Variants in NKAIN2 observed in about 807,000 individuals in gnomAD.
The protein encoded by NKAIN2 is sodium/potassium transporting ATPase interacting 2, also known as sodium/potassium-transporting ATPase subunit beta-1-interacting protein 2.
In NKAIN2, 14 loss-of-function variants were observed where a neutral mutation model predicts 32.6. The observed-to-expected ratio is 0.43, with a 90% confidence interval of 0.28 to 0.67. The LOEUF is 0.67. NKAIN2 is among the 30% of genes least tolerant of loss of function. The pLI, the probability that NKAIN2 is intolerant of heterozygous loss-of-function variation, is 0.17. For missense variants in NKAIN2, 198 were observed against 258.3 expected, an observed-to-expected ratio of 0.77 and a Z score of 1.60; for synonymous variants, 80 against 87.2, an observed-to-expected ratio of 0.92 and a Z score of 0.46.
chr6:123,819,930 G>T (rs1486234387), intron 1 of NKAIN2, among the ~76,000 whole-genome samples: 1 of 152,174 alleles, frequency 6.6e-6, no homozygotes, highest in Non-Finnish European at 1.5e-5. Flanking sequence ...GGAACGAAAA[G>T]AGCAGTTTGA....
chr6:124,589,286 G>A (rs917931421), intron 3 of NKAIN2, among the ~76,000 whole-genome samples: 4 of 152,064 alleles, frequency 2.6e-5, no homozygotes, highest in African/African-American at 9.7e-5. Context: ...TATTGTATGA[G>A]AATTCAATAA....
At chr6:124,041,204 A>C (rs1781857469) in intron 1 of NKAIN2, among the ~76,000 whole-genome samples, 1 of 151,964 alleles carries the variant, frequency 6.6e-6, no homozygotes, top group African/African-American at 2.4e-5. Context: ...TTGGTTCATA[A>C]GGGGAAGCAT....
intron 3 of NKAIN2, among the ~76,000 whole-genome samples, chr6:124,511,221 A>T (rs1012957295): frequency 1.3e-5 from 2 of 152,172 alleles, no homozygotes; most frequent in Non-Finnish European, 2.9e-5. Context: ...ACATATCTTG[A>T]GCATTTTAGT....
chr6:124,806,363 C>G (rs1208757250), intron 5 of NKAIN2, among the ~76,000 whole-genome samples: 2 of 152,154 alleles, frequency 1.3e-5, no homozygotes, highest in African/African-American at 4.8e-5. Context: ...GATTTTTCAA[C>G]CCAGAATTTC....
intron 1 of NKAIN2, among the ~76,000 whole-genome samples, chr6:123,874,885 C>CTACATACA (rs35937099): frequency 0.19 from 28,209 of 150,844 alleles, 3,453 homozygotes; most frequent in East Asian, 0.47. Context: ...CTCGCTATTC[C>CTACATACA]TACATACATA....
At chr6:124,528,814 C>T (rs1779413695) in intron 3 of NKAIN2, among the ~76,000 whole-genome samples, 1 of 152,020 alleles carries the variant, frequency 6.6e-6, no homozygotes, top group African/African-American at 2.4e-5. Context: ...CAATGAAAAT[C>T]AACAAAGCCA....
intron 1 of NKAIN2, among the ~76,000 whole-genome samples, chr6:123,931,228 C>G (rs1776238240): frequency 6.6e-6 from 1 of 151,686 alleles, no homozygotes; most frequent in Non-Finnish European, 1.5e-5. Flanking sequence ...TTACATAGCT[C>G]TATAGTTTCC....
At chr6:124,271,415 A>T (rs1293635952) in intron 1 of NKAIN2, among the ~76,000 whole-genome samples, 1 of 152,040 alleles carries the variant, frequency 6.6e-6, no homozygotes, top group African/African-American at 2.4e-5. Flanking sequence ...ATGGTGTTTC[A>T]CCATGTTAGC....
intron 1 of NKAIN2, among the ~76,000 whole-genome samples, chr6:124,170,778 A>G (rs1012771797): frequency 6.6e-6 from 1 of 152,192 alleles, no homozygotes; most frequent in Non-Finnish European, 1.5e-5. Flanking sequence ...CCTAATAAAC[A>G]TTCAGGTGAT....
At chr6:124,362,744 A>G (rs1385101768) in intron 3 of NKAIN2, among the ~76,000 whole-genome samples, 1 of 152,136 alleles carries the variant, frequency 6.6e-6, no homozygotes, top group Non-Finnish European at 1.5e-5. Context: ...AAAGAATCCA[A>G]CTTCTTTAAT....
intron 3 of NKAIN2, among the ~76,000 whole-genome samples, chr6:124,428,911 G>A (rs1775091220): frequency 6.6e-6 from 1 of 152,256 alleles, no homozygotes; most frequent in Middle Eastern, 3.4e-3. Context: ...AAATCACCCA[G>A]CCCCTTGCTT....
chr6:124,198,414 A>G (rs1790427868), intron 1 of NKAIN2, among the ~76,000 whole-genome samples: 1 of 151,264 alleles, frequency 6.6e-6, no homozygotes, highest in Admixed American at 6.6e-5. Context: ...AATTCTCAGT[A>G]TGCCTTTCAC....
intron 1 of NKAIN2, among the ~76,000 whole-genome samples, chr6:123,991,802 C>T (rs7755487): frequency 0.32 from 48,108 of 151,838 alleles, 7,952 homozygotes; most frequent in East Asian, 0.42. Context: ...GCGGAGCTTG[C>T]AGTGAGCTGA....
intron 4 of NKAIN2, among the ~76,000 whole-genome samples, chr6:124,731,882 G>T (rs545234192): frequency 1.3e-5 from 2 of 152,156 alleles, no homozygotes; most frequent in East Asian, 3.9e-4. Context: ...ACTATTAGTA[G>T]TGTCTACATA....
chr6:123,911,803 A>ATATATATATATATGTG lies in NKAIN2; in HGVS notation c.54+107559_54+107560insTATGTGTATATATATA, dbSNP rs1562253423. 3.9e-3 allele frequency among the ~76,000 whole-genome samples: 387 copies of ATATATATATATATGTG among 98,534 alleles called. 14 individuals carry two copies. Among genetic ancestry groups the ATATATATATATATGTG allele is most frequent in the African/African-American group, 9.8e-3 (209 of 21,348 alleles). The allele number at this position is 98,534 out of a possible 152,430, so 64.6% of individuals were successfully genotyped here. A position where few individuals can be genotyped will look rare whatever the true frequency, so the allele number is the denominator to read the frequency against. On this transcript the variant is annotated intron_variant, in intron 1 of 6. Transcript: ENST00000368417. ...CATACATATATATATATATATATGT[A>ATATATATATATATGTG]TATATATATACACACACACACACAC...
intron 2 of NKAIN2, among the ~76,000 whole-genome samples, chr6:124,310,479 C>CT (rs1365767463): frequency 6.6e-6 from 1 of 150,718 alleles, no homozygotes; most frequent in Non-Finnish European, 1.5e-5. Flanking sequence ...ATTTTTTTTT[C>CT]TTTTTTTATG....
chr6:124,633,513 TTCA>T (rs1214722503), intron 3 of NKAIN2, among the ~76,000 whole-genome samples: 3 of 152,186 alleles, frequency 2.0e-5, no homozygotes, highest in African/African-American at 4.8e-5. Flanking sequence ...GACCATGAAA[TTCA>T]TCATCAATAA....
At chr6:124,358,167 G>A (rs552232848) in intron 3 of NKAIN2, among the ~76,000 whole-genome samples, 3 of 152,208 alleles carry the variant, frequency 2.0e-5, no homozygotes, top group Admixed American at 6.5e-5. Context: ...TCTTAATCCA[G>A]TCTATCATTG....
intron 3 of NKAIN2, among the ~76,000 whole-genome samples, chr6:124,549,146 C>T (rs970051221): frequency 2.6e-5 from 4 of 152,064 alleles, no homozygotes; most frequent in Non-Finnish European, 5.9e-5. Context: ...GCAGGTGGAT[C>T]ATGAGGTCAG....
Sources: allele counts gnomAD v4.1 joint callset (sites outside exome capture counted in the v4.1 genomes callset), GRCh38; gene constraint gnomAD v4.1.1; transcripts MANE v1.5; gene names NCBI Gene and HGNC (gene_info 2026-07-23, HGNC 2026-07-21).